DNAH7: variants seen among roughly 807,000 people sequenced by gnomAD.
DNAH7 encodes the protein dynein axonemal heavy chain 7.
A neutral mutation model predicts 444.6 loss-of-function variants in DNAH7; 397 were observed. The observed-to-expected ratio is 0.89, with a 90% CI of 0.82 to 0.97. The LOEUF is 0.97. Ranked by LOEUF, DNAH7 falls within the 50% of genes least tolerant of loss-of-function variation. The pLI, the probability that DNAH7 is intolerant of heterozygous loss-of-function variation, is 0.00. For missense variants in DNAH7, 4,902 were observed against 4,800.8 expected (o/e 1.02, Z -0.62); for synonymous variants, 1,636 against 1,624.4 (o/e 1.01, Z -0.17).
intron 19 of DNAH7, among the ~76,000 whole-genome samples, chr2:195,951,084 T>C (rs1690221525): frequency 6.6e-6 from 1 of 152,166 alleles, no homozygotes; most frequent in African/African-American, 2.4e-5. Context: ...TTTAGTGCTA[T>C]AAAGTTCCCT....
Position 196,051,244 on chromosome 2 carries a change from T to C in DNAH7, c.84A>G (p.Lys28=). Residue 28 remains lysine (K), a synonymous_variant, in exon 3 of 65, where the codon AAA becomes AAG. Coordinates refer to ENST00000312428, the MANE Select transcript of DNAH7 (RefSeq NM_018897.3). The part of the protein sequence containing the change: ...VRFLPQLSME[K]LASKEKFKAP... The stretch of plus-strand genomic sequence containing the variant: ...CCTTGAACTTTTCTTTGCTGGCTAA[T>C]TTCTCCTGTGTGAAAAATATGAAGG... The C allele has an allele frequency of 6.2e-7, 1 of 1,613,840 alleles. No individual in the cohort carries two copies. Among genetic ancestry groups the C allele is most frequent in the Non-Finnish European group, 8.5e-7 (1 of 1,179,812 alleles).
intron 51 of DNAH7, among the ~76,000 whole-genome samples, chr2:195,813,300 TTTC>T (rs1402420396): frequency 2.0e-5 from 3 of 151,842 alleles, no homozygotes; most frequent in Non-Finnish European, 4.4e-5. Context: ...CCCTCCTTTT[TTTC>T]TTAATTTAGA....
intron 52 of DNAH7, 120 bp downstream of exon 52, chr2:195,809,625 A>G (rs1382741054): frequency 2.4e-5 from 23 of 949,530 alleles, no homozygotes; most frequent in Non-Finnish European, 3.0e-5. Flanking sequence ...AACTATAATA[A>G]CAAACAGTAT....
In DNAH7 at chr2:195,826,941, G is replaced by GA. The variant is rs200864365; in HGVS notation, c.9101-2497dup. ...TACCACATCCACATTCCAACCATTA[G>GA]AAAAAAAAAAGAAGAAATATCCTTT... On this transcript the variant is annotated intron_variant, in intron 48 of 64. Coordinates refer to ENST00000312428, the MANE Select transcript of DNAH7 (RefSeq NM_018897.3). Among the ~76,000 whole-genome samples, 962 of 147,542 alleles carry GA rather than the reference G, an allele frequency of 6.5e-3. 4 individuals are homozygous for GA. The highest frequency in any genetic ancestry group is 0.011 in the Non-Finnish European group (719 of 66,614).
intron 61 of DNAH7, among the ~76,000 whole-genome samples, chr2:195,762,627 G>C (rs1367637055): frequency 6.6e-6 from 1 of 152,032 alleles, no homozygotes; most frequent in East Asian, 1.9e-4. Context: ...TACAAAAAGA[G>C]ACCAAGAAGG....
intron 31 of DNAH7, among the ~76,000 whole-genome samples, chr2:195,891,409 C>T (rs781699904): frequency 1.5e-4 from 23 of 151,680 alleles, no homozygotes; most frequent in Non-Finnish European, 2.8e-4. Flanking sequence ...AATACTTTGC[C>T]CTGGCCTTTT....
Position 195,926,519 on chromosome 2 carries a change from G to A in DNAH7, c.3519C>T (p.Asn1173=). The change falls in exon 22 of 65, where the codon AAC becomes AAT. Residue 1173 remains asparagine, a synonymous_variant. Coordinates refer to ENST00000312428, the MANE Select transcript of DNAH7 (RefSeq NM_018897.3). ...TCTGTCCAGGCCAATCCCTTACCCA[G>A]TTAATTCGTTCATATTTTGTATAGG... is the stretch of plus-strand genomic sequence containing the variant. ...TFAYTKYERI[N]WVRDWPGQTV... is the part of the protein sequence containing the mutation. 1 of 1,602,248 alleles carries A rather than the reference G, an allele frequency of 6.2e-7. No homozygotes were observed. The highest frequency in any genetic ancestry group is 8.5e-7 in the Non-Finnish European group (1 of 1,175,402).
In DNAH7 at chr2:195,972,297, T is replaced by A. The variant is rs752155027; in HGVS notation, c.2003A>T (p.Glu668Val). 1 of 1,614,142 alleles carries A rather than the reference T, an allele frequency of 6.2e-7. No homozygotes were observed. Among genetic ancestry groups the A allele is most frequent in the Non-Finnish European group, 8.5e-7 (1 of 1,179,996 alleles). The change falls in exon 16 of 65, where the codon GAA becomes GTA. Residue 668 changes from glutamate (E) to valine (V), a missense_variant. Transcript: ENST00000312428. Reference sequence around the variant, plus strand: ...CTCTTTAATGATTTTCCTGTGTTCTTCAAAAATTTCTCCCATCCTTCCATA... The same window carrying A: ...CTCTTTAATGATTTTCCTGTGTTCTACAAAAATTTCTCCCATCCTTCCATA... Reference protein sequence around the residue: ...QWYGRMGEIFEEHRKIIKEKI... With the variant: ...QWYGRMGEIFVEHRKIIKEKI...
Position 195,875,612 on chromosome 2 carries a change from A to T in DNAH7, c.6286+63T>A. On this transcript the variant is annotated intron_variant, in intron 38 of 64. Coordinates refer to ENST00000312428, the MANE Select transcript of DNAH7 (RefSeq NM_018897.3). ...CTCAAAAGAGGATTTTTTTCCAGTT[A>T]TTTCTTTAGCTATTGCTAGGGAGAT... 2.7e-6 allele frequency: 4 copies of T among 1,462,622 alleles called. No homozygotes were observed. The Admixed American group carries it at 6.9e-5, about 25-fold the overall frequency. 90.6% of individuals were successfully genotyped at this position (1,462,622 alleles called of 1,614,324 possible). A position where few individuals can be genotyped will look rare whatever the true frequency, so the allele number is the denominator to read the frequency against.
intron 17 of DNAH7, among the ~76,000 whole-genome samples, chr2:195,961,953 T>C (rs1320280324): frequency 1.3e-5 from 2 of 152,118 alleles, no homozygotes; most frequent in African/African-American, 4.8e-5. Flanking sequence ...GAAATAAATT[T>C]AAAATGAATA....
intron 12 of DNAH7, among the ~76,000 whole-genome samples, chr2:196,000,242 C>T (rs1010761697): frequency 2.6e-5 from 4 of 152,070 alleles, no homozygotes; most frequent in Non-Finnish European, 4.4e-5. Context: ...ATTTCATATA[C>T]TAGATTCCAA....
intron 22 of DNAH7, among the ~76,000 whole-genome samples, chr2:195,924,820 T>C (rs1263441619): frequency 6.6e-6 from 1 of 152,182 alleles, no homozygotes; most frequent in Non-Finnish European, 1.5e-5. Flanking sequence ...AGACCAGGCT[T>C]GCTTCTCTTT....
chr2:195,792,386 C>A (rs534275379), intron 57 of DNAH7, among the ~76,000 whole-genome samples: 1,093 of 107,404 alleles, frequency 0.01, 13 homozygotes, highest in African/African-American at 0.037. Context: ...TACAAAAAAA[C>A]CAAAAAATAC....
intron 54 of DNAH7, among the ~76,000 whole-genome samples, chr2:195,806,472 T>C (rs975042624): frequency 6.6e-6 from 1 of 152,146 alleles, no homozygotes; most frequent in Non-Finnish European, 1.5e-5. Context: ...AGGGAGTAGA[T>C]TGTGAGTACT....
chr2:195,972,549 T>C (rs1251282647), intron 15 of DNAH7, 83 bp from the exon 16 acceptor site: 2 of 1,016,484 alleles, frequency 2.0e-6, no homozygotes, highest in Non-Finnish European at 3.0e-6. Flanking sequence ...ACTGTATAAC[T>C]ATGCACAGAC....
At chr2:196,044,657 A>G (rs1202695235) in intron 5 of DNAH7, among the ~76,000 whole-genome samples, 1 of 152,152 alleles carries the variant, frequency 6.6e-6, no homozygotes, top group Non-Finnish European at 1.5e-5. Flanking sequence ...TGTACAGGGG[A>G]AAACTGCTAT....
chr2:195,988,119 A>G lies in DNAH7; in HGVS notation c.1464T>C (p.Thr488=). 6.2e-7 allele frequency: 1 copy of G among 1,613,828 alleles called. No individual in the cohort carries two copies. The highest frequency in any genetic ancestry group is 8.5e-7 in the Non-Finnish European group (1 of 1,179,796). ...ACTTGTCATAGAGTCTGAGGTGCTC[A>G]GTAGGTGCCACACTCTCTTTCATAA... ...EVIMKESVAP[T]EHLRLYDKYD... is the part of the protein sequence containing the mutation. The change falls in exon 13 of 65, where the codon ACT becomes ACC. Residue 488 remains threonine (T), a synonymous_variant. Coordinates refer to ENST00000312428, the MANE Select transcript of DNAH7 (RefSeq NM_018897.3).
intron 48 of DNAH7, among the ~76,000 whole-genome samples, chr2:195,828,739 G>C (rs533237629): frequency 1.3e-5 from 2 of 149,832 alleles, no homozygotes; most frequent in African/African-American, 4.9e-5. Context: ...AACATATTTT[G>C]GTGTGAAGTG....
intron 55 of DNAH7, among the ~76,000 whole-genome samples, chr2:195,798,709 A>G (rs1817356): frequency 0.57 from 86,168 of 151,246 alleles, 25,685 homozygotes; most frequent in Non-Finnish European, 0.68. Flanking sequence ...ACGCCCAGCT[A>G]ATTTTTTTTT....
Sources: allele counts gnomAD v4.1 joint callset (sites outside exome capture counted in the v4.1 genomes callset), GRCh38; gene constraint gnomAD v4.1.1; transcripts MANE v1.5; gene names NCBI Gene and HGNC (gene_info 2026-07-23, HGNC 2026-07-21).